XYLT1: variants seen among roughly 807,000 people sequenced by gnomAD.
XYLT1 encodes the protein xylosyltransferase 1.
In XYLT1, 36 loss-of-function variants were observed where a neutral mutation model predicts 91.3. That is an observed-to-expected ratio of 0.39 (90% CI 0.30 to 0.52). The LOEUF is 0.52. Among genes scored for constraint, XYLT1 ranks in the 20% least tolerant of loss-of-function variants. The probability of loss-of-function intolerance (pLI) is 0.68; values close to 1 mark genes in which losing one functional copy is unlikely to be tolerated. For synonymous variants in XYLT1, 588 were observed against 532.0 expected (o/e 1.11, Z -1.45); for missense variants, 1,242 against 1,284.5 (o/e 0.97, Z 0.51).
chr16:17,300,210 G>A (rs1445578102), intron 2 of XYLT1, among the ~76,000 whole-genome samples: 1 of 152,086 alleles, frequency 6.6e-6, no homozygotes, highest in Admixed American at 6.6e-5. Flanking sequence ...ATATTTTTGT[G>A]CCTCTGACAA....
At chr16:17,275,736 C>T (rs145839102) in intron 2 of XYLT1, among the ~76,000 whole-genome samples, 1 of 152,312 alleles carries the variant, frequency 6.6e-6, no homozygotes, top group Non-Finnish European at 1.5e-5. Context: ...CATCCTTCCT[C>T]CCCAACATTC....
chr16:17,307,714 G>T (rs1211670793), intron 2 of XYLT1, among the ~76,000 whole-genome samples: 2 of 152,194 alleles, frequency 1.3e-5, no homozygotes, highest in Non-Finnish European at 2.9e-5. Context: ...CTGAATAAAA[G>T]AAGGGATTGA....
chr16:17,186,592 G>T lies in XYLT1; in HGVS notation c.1289+11620C>A, dbSNP rs564340750. ...AGTGCTGGGATAGGCATGAGCCACT[G>T]CGCCTGCTGAACTCTGAATTTCTGA... On this transcript the variant is annotated intron_variant, in intron 5 of 11. Coordinates refer to ENST00000261381, the MANE Select transcript of XYLT1 (RefSeq NM_022166.4). Among the ~76,000 whole-genome samples, 80 of 151,694 alleles carry T rather than the reference G, an allele frequency of 5.3e-4. 1 individual carries two copies. The highest frequency in any genetic ancestry group is 1.7e-3 in the African/African-American group (70 of 41,316).
intron 1 of XYLT1, among the ~76,000 whole-genome samples, chr16:17,454,920 C>A (rs543650922): frequency 9.4e-6 from 1 of 106,498 alleles, no homozygotes; most frequent in Non-Finnish European, 1.9e-5. Context: ...CCCGCCCCCC[C>A]CCGCAACTAT....
rs114971745 is a variant in XYLT1 at position 17,435,507 on chromosome 16, G to A, written c.363+34927C>T. ...TAAACGAAGAAGTGTACGTGATGAGGGCCCTTTGGGCTATTTCAGGCTCTG... is the reference window on the plus strand; with the variant it reads ...TAAACGAAGAAGTGTACGTGATGAGAGCCCTTTGGGCTATTTCAGGCTCTG... On this transcript the variant is annotated intron_variant, in intron 1 of 11. Transcript: ENST00000261381. Among the ~76,000 whole-genome samples the A allele has an allele frequency of 3.5e-3, 536 of 152,250 alleles. 2 individuals carry two copies. The highest frequency in any genetic ancestry group is 0.012 in the African/African-American group (502 of 41,526).
chr16:17,362,121 G>A lies in XYLT1; in HGVS notation c.364-4071C>T, dbSNP rs554724977. 4.5e-4 allele frequency among the ~76,000 whole-genome samples: 68 copies of A among 152,238 alleles called. 2 individuals carry two copies. The South Asian group carries it at 0.013, about 29-fold the overall frequency. ...CACTGGGTTCCACTCTTTCACAAGA[G>A]CTCTGCTGGAAAATATATTATTACT... On this transcript the variant is annotated intron_variant, in intron 1 of 11. Transcript: ENST00000261381.
chr16:17,365,771 T>C (rs1164773738), intron 1 of XYLT1, among the ~76,000 whole-genome samples: 4 of 152,284 alleles, frequency 2.6e-5, no homozygotes, highest in East Asian at 1.9e-4. Flanking sequence ...CCTTGGAAGA[T>C]AGAGAAACCA....
intron 5 of XYLT1, among the ~76,000 whole-genome samples, chr16:17,196,465 C>G (rs538465892): frequency 6.6e-6 from 1 of 152,280 alleles, no homozygotes; most frequent in South Asian, 2.1e-4. Flanking sequence ...TTCAAAATAA[C>G]CCACTGTTGG....
chr16:17,225,171 A>T (rs1336618842), intron 3 of XYLT1, among the ~76,000 whole-genome samples: 17 of 97,692 alleles, frequency 1.7e-4, no homozygotes, highest in African/African-American at 1.2e-3. Context: ...ACACACACAC[A>T]CACACACTCT....
chr16:17,214,813 C>T (rs1370051235), intron 3 of XYLT1, among the ~76,000 whole-genome samples: 1 of 152,218 alleles, frequency 6.6e-6, no homozygotes, highest in Non-Finnish European at 1.5e-5. Flanking sequence ...CAAATGACTA[C>T]ATTTTCTCTT....
At chr16:17,431,796 AT>A in intron 1 of XYLT1, among the ~76,000 whole-genome samples, 1 of 152,350 alleles carries the variant, frequency 6.6e-6, no homozygotes, top group East Asian at 1.9e-4. Context: ...GACACAGAGC[AT>A]TTTTTATAAA....
chr16:17,227,080 C>A (rs1245486044), intron 3 of XYLT1: 1 of 152,254 alleles, frequency 6.6e-6, no homozygotes, highest in Non-Finnish European at 1.5e-5. Flanking sequence ...AGCTCCTGAG[C>A]ACAGTGGAGC....
intron 5 of XYLT1, among the ~76,000 whole-genome samples, chr16:17,173,811 A>T (rs950999506): frequency 6.6e-6 from 1 of 152,248 alleles, no homozygotes; most frequent in Non-Finnish European, 1.5e-5. Flanking sequence ...TCCTTGCGGT[A>T]CCACCTTGCA....
rs1398922964 is a variant in XYLT1, at chr16:17,312,372, C to T, written c.402+45640G>A. ...GACTCAATGAAACATCCCTGAAATC[C>T]TCATGATCATCAGGGCTGGCATTCC... On this transcript the variant is annotated intron_variant, in intron 2 of 11. Coordinates refer to ENST00000261381, the MANE Select transcript of XYLT1 (RefSeq NM_022166.4). The surrounding 1 kb of genome is among the most constrained non-coding windows in gnomAD (Gnocchi z 4.4). 2.0e-5 allele frequency among the ~76,000 whole-genome samples: 3 copies of T among 152,140 alleles called. No homozygotes were observed. Among genetic ancestry groups the T allele is most frequent in the Non-Finnish European group, 4.4e-5 (3 of 68,030 alleles).
intron 2 of XYLT1, among the ~76,000 whole-genome samples, chr16:17,263,315 G>A (rs1206539118): frequency 6.6e-6 from 1 of 152,084 alleles, no homozygotes; most frequent in Admixed American, 6.6e-5. Flanking sequence ...CTGACAATCA[G>A]AGAATGGCCA....
chr16:17,416,890 C>T lies in XYLT1; in HGVS notation c.363+53544G>A, dbSNP rs573356369. On this transcript the variant is annotated intron_variant, in intron 1 of 11. Coordinates refer to ENST00000261381, the MANE Select transcript of XYLT1 (RefSeq NM_022166.4). ...AATGAGCACGGACAGCCAGCAGAGA[C>T]GTTTAACCTTGGTGCTGCTAGAGTA... is the stretch of plus-strand genomic sequence containing the variant. 2.5e-4 allele frequency among the ~76,000 whole-genome samples: 38 copies of T among 152,264 alleles called. No individual in the cohort carries two copies. In the South Asian group the frequency reaches 5.6e-3, roughly 22 times the overall value.
chr16:17,316,807 T>G (rs977479742), intron 2 of XYLT1, among the ~76,000 whole-genome samples: 3 of 150,882 alleles, frequency 2.0e-5, no homozygotes, highest in Non-Finnish European at 4.4e-5. Flanking sequence ...AGAGCTCACT[T>G]TGAAACCACA....
intron 2 of XYLT1, among the ~76,000 whole-genome samples, chr16:17,266,070 G>T (rs530468201): frequency 1.3e-5 from 2 of 152,272 alleles, no homozygotes; most frequent in East Asian, 3.9e-4. Flanking sequence ...AAGAGACCAG[G>T]AACTGAGGAC....
intron 5 of XYLT1, 38 bp downstream of exon 5, chr16:17,198,174 G>A (rs761795388): frequency 4.1e-5 from 66 of 1,610,098 alleles, no homozygotes; most frequent in South Asian, 4.1e-4. Context: ...AGAGCAGGAC[G>A]TCAGACAAGA....
Sources: allele counts gnomAD v4.1 joint callset (sites outside exome capture counted in the v4.1 genomes callset), GRCh38; gene constraint gnomAD v4.1.1; non-coding constraint Gnocchi (gnomAD v3.1); transcripts MANE v1.5; gene names NCBI Gene and HGNC (gene_info 2026-07-23, HGNC 2026-07-21).